ADGRE2: variants seen among roughly 807,000 people sequenced by gnomAD.
ADGRE2 encodes the protein adhesion G protein-coupled receptor E2, also known as CD97 antigen.
A neutral mutation model predicts 100.8 loss-of-function variants in ADGRE2; 83 were observed. The observed-to-expected ratio is 0.82, with a 90% CI of 0.69 to 0.99. The LOEUF (loss-of-function observed/expected upper bound fraction) is 0.99. ADGRE2 is among the 50% of genes least tolerant of loss of function. The probability of loss-of-function intolerance (pLI) is 0.00; values close to 1 mark genes in which losing one functional copy is unlikely to be tolerated. For missense variants in ADGRE2, 814 were observed against 1,035.7 expected, an observed-to-expected ratio of 0.79 and a Z score of 2.94; for synonymous variants, 355 against 413.0, an observed-to-expected ratio of 0.86 and a Z score of 1.70.
rs771415140 is a variant in ADGRE2, at chr19:14,755,051, GT to G, written c.1492del (p.Thr498GlnfsTer6). The G allele has an allele frequency of 2.0e-5, 33 of 1,613,992 alleles. No homozygotes were observed. In the African/African-American group the frequency reaches 3.7e-4, roughly 18 times the overall value. On this transcript the variant is annotated frameshift_variant, in exon 14 of 21. Coordinates refer to ENST00000315576, the MANE Select transcript of ADGRE2 (RefSeq NM_013447.4). LOFTEE classifies it high-confidence loss of function. ...TCTGGTGCCTATTGTGCTGCAGCCT[GT>G]GGTGGCCCAGTGACCACATCCATTC... Reference protein sequence around the residue: ...GQNGCGHWATTGCSTIGTRDT... With the variant: ...GQNGCGHWATXGCSTIGTRDT...
rs1452421543 is a variant in ADGRE2 at position 14,764,499 on chromosome 19, C to T, written c.1018G>A (p.Val340Ile). Residue 340 changes from valine (V) to isoleucine (I), a missense_variant, in exon 11 of 21, where the codon GTC becomes ATC. Around this residue, in one of 5 missense-constraint regions of ADGRE2, gnomAD observed 569 missense variants for 692.7 expected, o/e 0.82. Coordinates refer to ENST00000315576, the MANE Select transcript of ADGRE2 (RefSeq NM_013447.4). ...AGGTTCTTGCTCAGGCCTCTGAGGA[C>T]ATCCTCTAGGCCATCCAGCAGGTGA... is the stretch of plus-strand genomic sequence containing the variant. Reference protein sequence around the residue: ...ASHLLDGLEDVLRGLSKNLSN... With the variant: ...ASHLLDGLEDILRGLSKNLSN... The T allele has an allele frequency of 6.2e-7, 1 of 1,613,088 alleles. No homozygotes were observed. Among genetic ancestry groups the T allele is most frequent in the East Asian group, 2.2e-5 (1 of 44,874 alleles).
rs766380701 is a variant in ADGRE2 at position 14,751,534 on chromosome 19, GA to G, written c.1925del (p.Phe642SerfsTer2). ...CCACAGGGAACATGAGCTTCTTCAT[GA>G]ATCTGTTGATGCTTGAGTAGTTGAC... ...TVVNYSSINR[F>X]MKKLMFPVGY... On this transcript the variant is annotated frameshift_variant, in exon 16 of 21. Transcript: ENST00000315576. LOFTEE classifies it high-confidence loss of function. The G allele has an allele frequency of 6.2e-7, 1 of 1,614,108 alleles. No homozygotes were observed. Among genetic ancestry groups the G allele is most frequent in the Non-Finnish European group, 8.5e-7 (1 of 1,180,012 alleles).
intron 14 of ADGRE2, 126 bp from the exon 15 acceptor site, chr19:14,752,652 A>C: frequency 8.5e-7 from 1 of 1,181,532 alleles, no homozygotes; most frequent in Non-Finnish European, 1.2e-6. Flanking sequence ...TAAATTTGTG[A>C]AGATGTCACC....
At chr19:14,755,973 G>C in intron 12 of ADGRE2, 96 bp from the exon 13 acceptor site, 1 of 1,047,202 alleles carries the variant, frequency 9.5e-7, no homozygotes, top group Non-Finnish European at 1.4e-6. Flanking sequence ...CTACTCAGAT[G>C]GGCTACCTTC....
intron 6 of ADGRE2, among the ~76,000 whole-genome samples, 160 bp downstream of exon 6, chr19:14,766,818 T>A (rs6511971): frequency 0.66 from 99,721 of 152,008 alleles, 34,208 homozygotes; most frequent in African/African-American, 0.86. Context: ...GTGTGGCGAG[T>A]CCTTCCTGGG....
At chr19:14,731,284 C>G (rs1331162669), downstream of ADGRE2, 2 of 1,209,550 alleles carry the variant, frequency 1.7e-6, no homozygotes, top group African/African-American at 1.5e-5. Context: ...CTTGAAGACT[C>G]CAAATCTGCA....
chr19:14,760,877 C>A (rs2043693835), intron 11 of ADGRE2, among the ~76,000 whole-genome samples: 1 of 152,156 alleles, frequency 6.6e-6, no homozygotes, highest in South Asian at 2.1e-4. Context: ...CTGAAGAGTT[C>A]ATCTGGATGA....
In ADGRE2 at chr19:14,765,010, C is replaced by T. The variant is rs147592299; in HGVS notation, c.906+310G>A. Among the ~76,000 whole-genome samples the T allele has an allele frequency of 7.3e-4, 111 of 151,938 alleles. 1 individual carries two copies. The highest frequency in any genetic ancestry group is 2.4e-3 in the African/African-American group (101 of 41,450). ...CTGGACTGGCGACAGAGTGAGACTC[C>T]GTCTAAAAAAAAAATGACATTGGAT... On this transcript the variant is annotated intron_variant, in intron 10 of 20. Transcript: ENST00000315576.
intron 11 of ADGRE2, among the ~76,000 whole-genome samples, chr19:14,758,929 GAGAC>G (rs2043600762): frequency 6.7e-6 from 1 of 149,958 alleles, no homozygotes; most frequent in South Asian, 2.1e-4. Context: ...CTCCTGCAGA[GAGAC>G]AGGGGCTCCC....
rs762057640 is a variant in ADGRE2 at position 14,746,371 on chromosome 19, A to T, written c.2092-48T>A. On this transcript the variant is annotated intron_variant, in intron 17 of 20. Transcript: ENST00000315576. ...TGTTGAATAGATTTTGAAACCTGTT[A>T]TCTCTTTTTTTTTTTTTTTCAGACA... 610 of 963,460 alleles carry T rather than the reference A, an allele frequency of 6.3e-4. 6 individuals are homozygous for T. Among genetic ancestry groups the T allele is most frequent in the Non-Finnish European group, 7.8e-4 (504 of 643,574 alleles). 59.7% of individuals were successfully genotyped at this position (963,460 alleles called of 1,614,324 possible).
chr19:14,741,191 G>A (rs932583326), intron 20 of ADGRE2, among the ~76,000 whole-genome samples: 1 of 141,882 alleles, frequency 7.0e-6, no homozygotes, highest in Non-Finnish European at 1.5e-5. Flanking sequence ...TTACCTCCCC[G>A]GCTCAAGCAA....
chr19:14,743,759 G>A lies in ADGRE2; in HGVS notation c.2209C>T (p.Gln737Ter). The change falls in exon 19 of 21, where the codon CAG (glutamine) becomes TAG (stop). Residue 737 changes from glutamine (Q) to a stop codon, truncating the protein, a stop_gained. Coordinates refer to ENST00000315576, the MANE Select transcript of ADGRE2 (RefSeq NM_013447.4). LOFTEE classifies it high-confidence loss of function. The stretch of plus-strand genomic sequence containing the variant: ...CACGTGCAGCCCAGGATGAACAGCT[G>A]AGCTGTCGCTTTAAATGCCAGCATC... ...TRMLAFKATA[Q>*]LFILGCTWCL... 6.2e-7 allele frequency: 1 copy of A among 1,614,190 alleles called. No homozygotes were observed. Among genetic ancestry groups the A allele is most frequent in the Non-Finnish European group, 8.5e-7 (1 of 1,180,026 alleles).
intron 11 of ADGRE2, among the ~76,000 whole-genome samples, chr19:14,760,324 G>A (rs1242450322): frequency 6.6e-6 from 1 of 152,140 alleles, no homozygotes; most frequent in Non-Finnish European, 1.5e-5. Flanking sequence ...CCATAAATAT[G>A]TAAGATTTAT....
intron 11 of ADGRE2, among the ~76,000 whole-genome samples, chr19:14,763,285 G>A (rs1315373974): frequency 6.6e-6 from 1 of 152,060 alleles, no homozygotes; most frequent in Non-Finnish European, 1.5e-5. Flanking sequence ...GGAGCTTGCA[G>A]TGAGCCGAGA....
At chr19:14,759,382 C>T (rs921294745) in intron 11 of ADGRE2, among the ~76,000 whole-genome samples, 10 of 151,942 alleles carry the variant, frequency 6.6e-5, no homozygotes, top group African/African-American at 2.4e-4. Context: ...CTCTCTGACC[C>T]TTGCTAACTG....
At chr19:14,727,713 A>G (rs2042642681), downstream of ADGRE2, among the ~76,000 whole-genome samples, 1 of 151,666 alleles carries the variant, frequency 6.6e-6, no homozygotes, top group African/African-American at 2.4e-5. Context: ...GTTAAATATA[A>G]CCAAATATCT....
chr19:14,730,220 A>T (rs1401859630), downstream of ADGRE2, among the ~76,000 whole-genome samples: 1 of 151,880 alleles, frequency 6.6e-6, no homozygotes, highest in Admixed American at 6.6e-5. Context: ...ATGCCTGGTT[A>T]ATTTTTGTAT....
chr19:14,770,292 C>T (rs2044149658), intron 5 of ADGRE2, among the ~76,000 whole-genome samples: 1 of 152,148 alleles, frequency 6.6e-6, no homozygotes, highest in East Asian at 1.9e-4. Flanking sequence ...CTTCCTTCCT[C>T]TTGCCATGGG....
At chr19:14,747,021 T>A in intron 16 of ADGRE2, 59 bp from the exon 17 acceptor site, 1 of 1,402,760 alleles carries the variant, frequency 7.1e-7, no homozygotes, top group Non-Finnish European at 1.0e-6. Context: ...AACAGTTATG[T>A]AAATCTATTC....
Sources: gnomAD v4.1 joint callset for allele counts (sites outside exome capture counted in the v4.1 genomes callset) on GRCh38, gnomAD v4.1.1 for gene constraint, gnomAD v4.1.1 regional missense constraint, MANE v1.5 for transcripts, NCBI Gene and HGNC (gene_info 2026-07-23, HGNC 2026-07-21) for gene names.